Variants in ST3GAL6 observed in about 807,000 individuals in gnomAD.
ST3GAL6 encodes type 2 lactosamine alpha-2,3-sialyltransferase.
In ST3GAL6, 31 loss-of-function variants were observed where a neutral mutation model predicts 40.5. That is an observed-to-expected ratio of 0.77 (90% CI 0.58 to 1.03). The LOEUF is 1.03. ST3GAL6 is among the 50% of genes least tolerant of loss of function. The probability of loss-of-function intolerance (pLI) is 0.00; values close to 1 mark genes in which losing one functional copy is unlikely to be tolerated. For synonymous variants in ST3GAL6, 129 were observed against 136.9 expected, an observed-to-expected ratio of 0.94 and a Z score of 0.40; for missense variants, 357 against 393.2, an observed-to-expected ratio of 0.91 and a Z score of 0.78.
chr3:98,746,153 C>T (rs781709077), intron 1 of ST3GAL6, among the ~76,000 whole-genome samples: 2 of 152,094 alleles, frequency 1.3e-5, no homozygotes, highest in African/African-American at 4.8e-5. Flanking sequence ...TCTGCTTGGT[C>T]GGTTTTCTCA....
rs529270437 is a variant in ST3GAL6, at chr3:98,781,402, A to T, written c.336-3543A>T. Among the ~76,000 whole-genome samples, 53 of 152,114 alleles carry T rather than the reference A, an allele frequency of 3.5e-4. 1 individual carries two copies. The highest frequency in any genetic ancestry group is 3.4e-3 in the Middle Eastern group (1 of 294). Reference sequence around the variant, plus strand: ...AGATGATGTGTTGATGGGTGCAGCAAACCACCACGGCACTTGTATACTTAT... The same window carrying T: ...AGATGATGTGTTGATGGGTGCAGCATACCACCACGGCACTTGTATACTTAT... On this transcript the variant is annotated intron_variant, in intron 5 of 9. Transcript: ENST00000483910.
intron 6 of ST3GAL6, among the ~76,000 whole-genome samples, chr3:98,787,241 C>T (rs1257766363): frequency 6.6e-6 from 1 of 152,114 alleles, no homozygotes; most frequent in Non-Finnish European, 1.5e-5. Context: ...CCACAGGAAA[C>T]CCTTGCAGGA....
At position 98,788,239 on chromosome 3, in the gene ST3GAL6, G is replaced by A. The variant is rs1370628130; in HGVS notation, c.618+17G>A. ...GACAAAATAGTAAGTAGGCAAAATT[G>A]TTCTGCCTTCAGATTACCTTTAGTG... is the stretch of plus-strand genomic sequence containing the variant. On this transcript the variant is annotated intron_variant, in intron 7 of 9. Coordinates refer to ENST00000483910, the MANE Select transcript of ST3GAL6 (RefSeq NM_001323368.2). The A allele has an allele frequency of 1.2e-6, 2 of 1,603,218 alleles. No individual in the cohort carries two copies. Among genetic ancestry groups the A allele is most frequent in the Non-Finnish European group, 1.7e-6 (2 of 1,173,782 alleles).
chr3:98,747,459 T>G (rs547346161), intron 1 of ST3GAL6, among the ~76,000 whole-genome samples: 15 of 152,330 alleles, frequency 9.8e-5, no homozygotes, highest in African/African-American at 3.4e-4. Context: ...AAAATTCTAT[T>G]TAAAAATGAA....
At chr3:98,776,673 T>C (rs1419172285) in intron 5 of ST3GAL6, among the ~76,000 whole-genome samples, 1 of 152,244 alleles carries the variant, frequency 6.6e-6, no homozygotes, top group African/African-American at 2.4e-5. Context: ...CATTTTTTCC[T>C]ACCTGTGCTC....
At chr3:98,750,639 C>G (rs905834608) in intron 1 of ST3GAL6, among the ~76,000 whole-genome samples, 1 of 151,604 alleles carries the variant, frequency 6.6e-6, no homozygotes, top group Non-Finnish European at 1.5e-5. Flanking sequence ...CATGCTGAAT[C>G]AGAATGAGCA....
upstream of ST3GAL6, among the ~76,000 whole-genome samples, chr3:98,759,530 C>T (rs904398662): frequency 2.0e-5 from 3 of 152,002 alleles, no homozygotes; most frequent in Admixed American, 1.3e-4. Flanking sequence ...AGGAATTGTG[C>T]TGGAGGGGAA....
Position 98,781,437 on chromosome 3 carries a change from C to G in ST3GAL6, c.336-3508C>G, listed in dbSNP as rs1000634535. On this transcript the variant is annotated intron_variant, in intron 5 of 9. Transcript: ENST00000483910. ...GCACTTGTATACTTATGTAACAAAC[C>G]TGCACGTTCTGCACATGTATCCCAG... 7.9e-5 allele frequency among the ~76,000 whole-genome samples: 12 copies of G among 151,196 alleles called. No homozygotes were observed. The East Asian group carries it at 1.9e-3, about 24-fold the overall frequency.
Position 98,773,923 on chromosome 3 carries a change from A to T in ST3GAL6, c.275A>T (p.Glu92Val). Residue 92 changes from glutamate to valine, a missense_variant, in exon 5 of 10, where the codon GAA becomes GTA. Transcript: ENST00000483910. ...TAACACTCCATTTGTTTTCTAGCGG[A>T]ATATTTTCGACTTGCTCTTTCAAAA... ...DLPYGMRTSA[E>V]YFRLALSKLQ... 6.2e-7 allele frequency: 1 copy of T among 1,612,716 alleles called. No homozygotes were observed. Among genetic ancestry groups the T allele is most frequent in the South Asian group, 1.1e-5 (1 of 90,972 alleles).
chr3:98,780,402 C>G (rs1381024330), intron 5 of ST3GAL6, among the ~76,000 whole-genome samples: 2 of 152,166 alleles, frequency 1.3e-5, no homozygotes, highest in Non-Finnish European at 2.9e-5. Flanking sequence ...GGTTTCCTTT[C>G]AAAAGCATTG....
At chr3:98,775,335 G>T (rs1179233502) in intron 5 of ST3GAL6, among the ~76,000 whole-genome samples, 1 of 152,098 alleles carries the variant, frequency 6.6e-6, no homozygotes, top group East Asian at 1.9e-4. Context: ...AATTAGCCTG[G>T]CATGATGGCG....
At chr3:98,735,819 TAGGAA>T (rs139830629) in intron 1 of ST3GAL6, among the ~76,000 whole-genome samples, 45,185 of 151,810 alleles carry the variant, frequency 0.3, 6,994 homozygotes, top group South Asian at 0.41. Flanking sequence ...AGTGTTTTGG[TAGGAA>T]ATTTTATTTA....
chr3:98,772,718 T>A (rs1166923761), intron 3 of ST3GAL6, 95 bp from the exon 4 acceptor site: 1 of 750,384 alleles, frequency 1.3e-6, no homozygotes, highest in Non-Finnish European at 2.3e-6. Flanking sequence ...TATAATGATA[T>A]GGATTATATG....
rs1941558214 is a variant in ST3GAL6, at chr3:98,795,727, C to T, written c.*1966C>T. On this transcript the variant is annotated 3_prime_UTR_variant, in exon 10 of 10. Transcript: ENST00000483910. ...TATGTATTGGGTACTATGCTCACAA[C>T]CTGGATGATGGGATCATTCATACCA... The T allele has an allele frequency of 6.6e-6, 1 of 152,134 alleles. No homozygotes were observed. Among genetic ancestry groups the T allele is most frequent in the Non-Finnish European group, 1.5e-5 (1 of 68,054 alleles). The allele number at this position is 152,134 out of a possible 1,614,324, so 9.4% of individuals were successfully genotyped here. A position where few individuals can be genotyped will look rare whatever the true frequency, so the allele number is the denominator to read the frequency against.
At chr3:98,733,604 C>T in intron 1 of ST3GAL6, 1 of 985,328 alleles carries the variant, frequency 1.0e-6, no homozygotes, top group Non-Finnish European at 1.2e-6. Context: ...GAGTAAATTG[C>T]AGTGTTTGGG....
chr3:98,752,427 C>A (rs897564366), intron 1 of ST3GAL6, among the ~76,000 whole-genome samples: 1 of 151,496 alleles, frequency 6.6e-6, no homozygotes, highest in Non-Finnish European at 1.5e-5. Flanking sequence ...GATCACTGAT[C>A]TTTTTATAAA....
At position 98,795,118 on chromosome 3, in the gene ST3GAL6, A is replaced by C. The variant is rs1941504627; in HGVS notation, c.*1357A>C. On this transcript the variant is annotated 3_prime_UTR_variant, in exon 10 of 10. Coordinates refer to ENST00000483910, the MANE Select transcript of ST3GAL6 (RefSeq NM_001323368.2). ...ATAAATGTAACCAAAGGCCATCTGG[A>C]GGTAGGGGAATGAGAGGTGAAGAAA... 1 of 152,118 alleles carries C rather than the reference A, an allele frequency of 6.6e-6. No homozygotes were observed. Among genetic ancestry groups the C allele is most frequent in the African/African-American group, 2.4e-5 (1 of 41,398 alleles). 9.4% of individuals were successfully genotyped at this position (152,118 alleles called of 1,614,324 possible). A position where few individuals can be genotyped will look rare whatever the true frequency, so the allele number is the denominator to read the frequency against.
chr3:98,785,627 G>A (rs141974586), intron 6 of ST3GAL6, among the ~76,000 whole-genome samples: 165 of 152,266 alleles, frequency 1.1e-3, no homozygotes, highest in African/African-American at 3.6e-3. Context: ...AAGCTGAAGC[G>A]GTGAGCAAAG....
At chr3:98,773,487 C>G (rs1384445287) in intron 4 of ST3GAL6, 1 of 154,830 alleles carries the variant, frequency 6.5e-6, no homozygotes, top group Non-Finnish European at 1.4e-5. Context: ...GGTGACAAGC[C>G]TTCAACATTG....
Sources: allele counts gnomAD v4.1 joint callset (sites outside exome capture counted in the v4.1 genomes callset), GRCh38; gene constraint gnomAD v4.1.1; transcripts MANE v1.5; gene names NCBI Gene and HGNC (gene_info 2026-07-23, HGNC 2026-07-21).